MED12L: variants seen among roughly 807,000 people sequenced by gnomAD.
MED12L encodes mediator complex subunit 12L.
Under a neutral mutation model 281.3 loss-of-function variants are expected in MED12L, and 60 were observed. The ratio of observed to expected loss-of-function variants is 0.21; its 90% CI spans 0.17 to 0.26. The LOEUF (loss-of-function observed/expected upper bound fraction) is 0.26, where lower values mean the gene tolerates loss of function less well. Ranked by LOEUF, MED12L falls within the 10% of genes least tolerant of loss-of-function variation. The pLI is 1.00. For synonymous variants in MED12L, 974 were observed against 987.2 expected, an observed-to-expected ratio of 0.99 and a Z score of 0.25; for missense variants, 2,146 against 2,680.9, an observed-to-expected ratio of 0.80 and a Z score of 4.41.
intron 5 of MED12L, among the ~76,000 whole-genome samples, chr3:151,141,983 A>G (rs1468679836): frequency 6.6e-6 from 1 of 152,202 alleles, no homozygotes; most frequent in East Asian, 1.9e-4. Context: ...TAATTGGTAA[A>G]TCATGGTTCC....
chr3:151,232,802 A>T (rs753512856), intron 16 of MED12L, among the ~76,000 whole-genome samples: 3 of 152,186 alleles, frequency 2.0e-5, no homozygotes, highest in Non-Finnish European at 2.9e-5. Flanking sequence ...GGGTGGGAGG[A>T]GGGAGAGGAG....
Position 151,116,425 on chromosome 3 carries a change from G to A in MED12L, c.187G>A (p.Val63Ile). 6.2e-7 allele frequency: 1 copy of A among 1,610,428 alleles called. No individual in the cohort carries two copies. The highest frequency in any genetic ancestry group is 2.2e-5 in the East Asian group (1 of 44,796). Residue 63 changes from valine (V) to isoleucine (I), a missense_variant, in exon 3 of 45, where the codon GTA (valine) becomes ATA (isoleucine). Physicochemically the swap from Val to Ile is conservative, Grantham distance 29. Coordinates refer to ENST00000687756, the MANE Select transcript of MED12L (RefSeq NM_001393769.1). Reference protein sequence around the residue: ...GDEHGSARNIVINPSKIGAYF... With the variant: ...GDEHGSARNIIINPSKIGAYF... ...TGAACATGGCTCAGCCAGAAATATT[G>A]TAATTAACCCATCAAAGGTAATGTT...
At chr3:151,409,194 C>A in intron 39 of MED12L, 49 bp from the exon 40 acceptor site, 2 of 1,435,662 alleles carry the variant, frequency 1.4e-6, no homozygotes, top group South Asian at 1.3e-5. Context: ...AAGCTCAAAT[C>A]AAGCCCTTGC....
At chr3:151,111,898 C>T (rs1407183206) in intron 2 of MED12L, among the ~76,000 whole-genome samples, 5 of 152,044 alleles carry the variant, frequency 3.3e-5, no homozygotes, top group Non-Finnish European at 7.4e-5. Context: ...GTCTTCAGTG[C>T]GCGGATGGGT....
In MED12L at chr3:151,368,586, A is replaced by ATTTAT. The variant is rs71637017; in HGVS notation, c.3550+378_3550+382dup. Among the ~76,000 whole-genome samples the ATTTAT allele has an allele frequency of 8.9e-4, 107 of 120,784 alleles. 2 individuals are homozygous for ATTTAT. The highest frequency in any genetic ancestry group is 1.1e-3 in the African/African-American group (36 of 32,274). 79.2% of individuals were successfully genotyped at this position (120,784 alleles called of 152,430 possible). On this transcript the variant is annotated intron_variant, in intron 25 of 44. Coordinates refer to ENST00000687756, the MANE Select transcript of MED12L (RefSeq NM_001393769.1). The stretch of plus-strand genomic sequence containing the variant: ...ATCACAGCAGCTTAGGGCAATGGTG[A>ATTTAT]TTTATTTTATTTTATTTTATTTTAT...
At chr3:151,191,219 A>G (rs996153755) in intron 14 of MED12L, among the ~76,000 whole-genome samples, 1 of 152,196 alleles carries the variant, frequency 6.6e-6, no homozygotes, top group Admixed American at 6.5e-5. Context: ...AGATGTTTCT[A>G]ATCTCTAGTT....
Position 151,409,253 on chromosome 3 carries a change from G to A in MED12L, c.5831G>A (p.Gly1944Glu). The A allele has an allele frequency of 1.3e-6, 2 of 1,593,406 alleles. No homozygotes were observed. Among genetic ancestry groups the A allele is most frequent in the Non-Finnish European group, 1.7e-6 (2 of 1,173,970 alleles). The change falls in exon 40 of 45, where the codon GGG becomes GAG. Residue 1944 changes from glycine (G) to glutamate (E), a missense_variant. Around this residue, in one of 9 missense-constraint regions of MED12L, gnomAD observed 496 missense variants for 512.0 expected, o/e 0.97. Coordinates refer to ENST00000687756, the MANE Select transcript of MED12L (RefSeq NM_001393769.1). ...QTRPFQQGQP[G>E]DQAALFAAQA... ...GGCTTTGTTTTCCAGGGCCAGCCGG[G>A]GGACCAGGCTGCTCTCTTTGCTGCG...
intron 11 of MED12L, among the ~76,000 whole-genome samples, chr3:151,169,106 GTTTTTTTTTTTTTTTGTT>G (rs965869044): frequency 2.6e-5 from 3 of 115,948 alleles, no homozygotes; most frequent in Non-Finnish European, 5.4e-5. Context: ...CTTTTTCTTT[GTTTTTTTTTTTTTTTGTT>G]TTTTTTTTTT....
intron 17 of MED12L, among the ~76,000 whole-genome samples, chr3:151,353,870 G>A (rs1753556578): frequency 1.3e-5 from 2 of 151,946 alleles, no homozygotes; most frequent in Admixed American, 1.3e-4. Flanking sequence ...GGCCGGGCGC[G>A]GTGGCTCACG....
At position 151,351,554 on chromosome 3, in the gene MED12L, G is replaced by T. The variant is rs559486008; in HGVS notation, c.2398+1348G>T. Among the ~76,000 whole-genome samples the T allele has an allele frequency of 3.9e-5, 6 of 152,284 alleles. No individual in the cohort carries two copies. The South Asian group carries it at 1.2e-3, about 32-fold the overall frequency. ...TGTCTAAGAAAACTGTTTATCTGTT[G>T]TTTTGGTGTTTTCTCTGTCTTAGAG... On this transcript the variant is annotated intron_variant, in intron 17 of 44. Transcript: ENST00000687756.
chr3:151,321,945 G>A (rs1321358703), intron 16 of MED12L, among the ~76,000 whole-genome samples: 5 of 152,012 alleles, frequency 3.3e-5, no homozygotes, highest in Non-Finnish European at 7.4e-5. Context: ...GAATGAGAAT[G>A]GAGGCAAGGA....
At chr3:151,235,030 G>A (rs959093376) in intron 16 of MED12L, among the ~76,000 whole-genome samples, 22 of 152,232 alleles carry the variant, frequency 1.4e-4, no homozygotes, top group Admixed American at 5.2e-4. Context: ...TTTGTATGCG[G>A]TGGAGGTTGT....
At chr3:151,232,841 T>C (rs1219191343) in intron 16 of MED12L, among the ~76,000 whole-genome samples, 1 of 152,102 alleles carries the variant, frequency 6.6e-6, no homozygotes, top group African/African-American at 2.4e-5. Context: ...GTACTAGACT[T>C]AGTACCTGAC....
At chr3:151,087,883 CTTTTTTTTGTT>C (rs1051042060) in intron 2 of MED12L, among the ~76,000 whole-genome samples, 9 of 149,740 alleles carry the variant, frequency 6.0e-5, no homozygotes, top group African/African-American at 2.3e-4. Context: ...AGGGACTTGC[CTTTTTTTTGTT>C]TTTTTTTTGA....
chr3:151,338,185 CG>C (rs1751287413), intron 16 of MED12L: 3 of 1,614,028 alleles, frequency 1.9e-6, no homozygotes, highest in Non-Finnish European at 2.5e-6. Flanking sequence ...CTCGTTCTTA[CG>C]TATGACCGGT....
intron 16 of MED12L, among the ~76,000 whole-genome samples, chr3:151,263,098 G>A (rs1165067798): frequency 6.6e-6 from 1 of 152,138 alleles, no homozygotes; most frequent in Non-Finnish European, 1.5e-5. Context: ...GGGTTGACGA[G>A]TGAGGATTAG....
chr3:151,250,612 T>G (rs1292125840), intron 16 of MED12L, among the ~76,000 whole-genome samples: 2 of 152,222 alleles, frequency 1.3e-5, no homozygotes, highest in African/African-American at 4.8e-5. Context: ...TTCATTTCTT[T>G]TTAAGACTGA....
intron 5 of MED12L, 75 bp from the exon 6 acceptor site, chr3:151,156,086 G>C (rs1035593042): frequency 2.4e-6 from 3 of 1,274,368 alleles, no homozygotes; most frequent in African/African-American, 3.0e-5. Flanking sequence ...GAGATAATCA[G>C]AATGGGGAAG....
intron 5 of MED12L, among the ~76,000 whole-genome samples, chr3:151,154,616 G>A (rs1211805766): frequency 6.6e-6 from 1 of 152,196 alleles, no homozygotes; most frequent in Non-Finnish European, 1.5e-5. Context: ...TGGGGATATT[G>A]AGAATAGTAC....
Sources: allele counts gnomAD v4.1 joint callset (sites outside exome capture counted in the v4.1 genomes callset), GRCh38; gene constraint gnomAD v4.1.1; regional missense constraint gnomAD v4.1.1; transcripts MANE v1.5; gene names NCBI Gene and HGNC (gene_info 2026-07-23, HGNC 2026-07-21).